Variants in MAGI2 observed in about 807,000 individuals in gnomAD.
MAGI2 encodes membrane-associated guanylate kinase, WW and PDZ domain-containing protein 2.
In MAGI2, 35 loss-of-function variants were observed where a neutral mutation model predicts 133.3. The observed-to-expected ratio is 0.26, with a 90% confidence interval of 0.20 to 0.35. MAGI2 has a LOEUF of 0.35. Ranked by LOEUF, MAGI2 falls within the 10% of genes least tolerant of loss-of-function variation. The pLI is 1.00. For synonymous variants in MAGI2, 729 were observed against 710.6 expected, an observed-to-expected ratio of 1.03 and a Z score of -0.41; for missense variants, 1,636 against 1,863.4, an observed-to-expected ratio of 0.88 and a Z score of 2.25.
At chr7:79,132,114 G>A (rs1820989999) in intron 1 of MAGI2, among the ~76,000 whole-genome samples, 2 of 152,054 alleles carry the variant, frequency 1.3e-5, no homozygotes, top group South Asian at 4.1e-4. Context: ...GTAATATCTT[G>A]CTGAAGGTAG....
intron 1 of MAGI2, among the ~76,000 whole-genome samples, chr7:79,300,749 A>T (rs1268449878): frequency 1.3e-5 from 2 of 152,208 alleles, no homozygotes; most frequent in Non-Finnish European, 2.9e-5. Flanking sequence ...AATGGGAAAA[A>T]GGCCCTGAAG....
chr7:79,103,455 G>C (rs1378527636), intron 1 of MAGI2, among the ~76,000 whole-genome samples: 1 of 152,012 alleles, frequency 6.6e-6, no homozygotes, highest in Non-Finnish European at 1.5e-5. Context: ...CAGACTAATA[G>C]GAGCAAACTG....
chr7:78,227,864 G>T (rs1308994049), intron 10 of MAGI2, among the ~76,000 whole-genome samples: 1 of 151,832 alleles, frequency 6.6e-6, no homozygotes, highest in Non-Finnish European at 1.5e-5. Context: ...GTGTGTGTGT[G>T]TGTGTGTGTG....
intron 2 of MAGI2, among the ~76,000 whole-genome samples, chr7:78,914,277 A>G (rs970797633): frequency 6.6e-6 from 1 of 152,152 alleles, no homozygotes; most frequent in African/African-American, 2.4e-5. Context: ...GACCATTCTC[A>G]TTTTTAAAAA....
intron 1 of MAGI2, among the ~76,000 whole-genome samples, chr7:79,340,389 C>A (rs1412676823): frequency 6.6e-6 from 1 of 152,068 alleles, no homozygotes; most frequent in Non-Finnish European, 1.5e-5. Context: ...TCACTGAATT[C>A]TGCCAGTTGA....
intron 1 of MAGI2, among the ~76,000 whole-genome samples, chr7:79,300,544 C>G (rs1051361034): frequency 3.3e-5 from 5 of 152,022 alleles, no homozygotes; most frequent in East Asian, 1.9e-4. Context: ...GATGTGGGAG[C>G]AAAGAAATGA....
chr7:79,360,048 A>G (rs768601779), intron 1 of MAGI2, among the ~76,000 whole-genome samples: 1 of 152,192 alleles, frequency 6.6e-6, no homozygotes, highest in African/African-American at 2.4e-5. Flanking sequence ...CATTTCAAAA[A>G]AATTAAATTC....
At chr7:78,990,845 C>T (rs1470726634) in intron 2 of MAGI2, among the ~76,000 whole-genome samples, 1 of 151,672 alleles carries the variant, frequency 6.6e-6, no homozygotes, top group African/African-American at 2.4e-5. Context: ...TAAATATCCA[C>T]CTGCACAGGT....
intron 1 of MAGI2, among the ~76,000 whole-genome samples, chr7:79,108,840 G>C (rs372538193): frequency 3.9e-5 from 6 of 152,264 alleles, no homozygotes; most frequent in African/African-American, 1.4e-4. Context: ...CCTTGCAATA[G>C]TGAATGAGTT....
chr7:78,063,820 C>A (rs193245144), intron 21 of MAGI2, among the ~76,000 whole-genome samples: 2 of 152,224 alleles, frequency 1.3e-5, no homozygotes, highest in Admixed American at 1.3e-4. Flanking sequence ...GATCTTGCCC[C>A]ATTATGTAAT....
chr7:79,215,072 A>C (rs991657564), intron 1 of MAGI2, among the ~76,000 whole-genome samples: 1 of 151,756 alleles, frequency 6.6e-6, no homozygotes, highest in African/African-American at 2.4e-5. Flanking sequence ...GGCATTCCAA[A>C]GTAAAGCAGA....
chr7:78,408,005 G>C (rs1297543567), intron 6 of MAGI2, among the ~76,000 whole-genome samples: 1 of 151,932 alleles, frequency 6.6e-6, no homozygotes, highest in East Asian at 1.9e-4. Context: ...GACATAGAAG[G>C]GATAGTCTAA....
intron 2 of MAGI2, among the ~76,000 whole-genome samples, chr7:78,889,982 C>A (rs1796605224): frequency 6.6e-6 from 1 of 152,122 alleles, no homozygotes. Context: ...TTCAGGAGAC[C>A]CATCTCACGT....
intron 21 of MAGI2, among the ~76,000 whole-genome samples, chr7:78,053,090 T>C (rs938469743): frequency 6.6e-6 from 1 of 152,228 alleles, no homozygotes; most frequent in African/African-American, 2.4e-5. Flanking sequence ...TTATTTTACC[T>C]CTTTTGATTA....
chr7:79,323,708 G>A lies in MAGI2; in HGVS notation c.301+129312C>T, dbSNP rs568369577. Reference sequence around the variant, plus strand: ...CACGTAAGCTAGGGTAGGAAAAAGGGGTTAGAAGTGGGTAAGATGGAGGCA... The same window carrying A: ...CACGTAAGCTAGGGTAGGAAAAAGGAGTTAGAAGTGGGTAAGATGGAGGCA... On this transcript the variant is annotated intron_variant, in intron 1 of 21. Transcript: ENST00000354212. Among the ~76,000 whole-genome samples, 5 of 152,270 alleles carry A rather than the reference G, an allele frequency of 3.3e-5. No homozygotes were observed. In the East Asian group the frequency reaches 7.7e-4, roughly 23 times the overall value.
At chr7:78,362,532 C>T (rs1475838814) in intron 7 of MAGI2, among the ~76,000 whole-genome samples, 3 of 152,096 alleles carry the variant, frequency 2.0e-5, no homozygotes, top group Admixed American at 6.5e-5. Flanking sequence ...GGAATCTTAG[C>T]GACTCATGTC....
In MAGI2 at chr7:78,754,086, G is replaced by C. The variant is rs148436448; in HGVS notation, c.419-126847C>G. ...TTAGGAAGAAATGAGCACAAGAAAT[G>C]GTACATATATATATAAATATTAAAA... On this transcript the variant is annotated intron_variant, in intron 2 of 21. Coordinates refer to ENST00000354212, the MANE Select transcript of MAGI2 (RefSeq NM_012301.4). 8.6e-4 allele frequency among the ~76,000 whole-genome samples: 131 copies of C among 152,118 alleles called. No homozygotes were observed. In the East Asian group the frequency reaches 0.011, roughly 13 times the overall value.
chr7:79,119,187 T>C (rs561251766), intron 1 of MAGI2, among the ~76,000 whole-genome samples: 2 of 152,194 alleles, frequency 1.3e-5, no homozygotes, highest in Non-Finnish European at 2.9e-5. Flanking sequence ...ATAATTTGCA[T>C]AGTTAACCAG....
chr7:78,548,423 C>T (rs1456546357), intron 3 of MAGI2, among the ~76,000 whole-genome samples: 1 of 152,194 alleles, frequency 6.6e-6, no homozygotes, highest in Non-Finnish European at 1.5e-5. Context: ...CGGCCAGGCA[C>T]AGTGGCTCAT....
Sources: gnomAD v4.1 joint callset for allele counts (sites outside exome capture counted in the v4.1 genomes callset) on GRCh38, gnomAD v4.1.1 for gene constraint, MANE v1.5 for transcripts, NCBI Gene and HGNC (gene_info 2026-07-23, HGNC 2026-07-21) for gene names.